Variants in RAD9A observed in about 807,000 individuals in gnomAD.
The protein encoded by RAD9A is RAD9 checkpoint clamp component A.
A neutral mutation model predicts 41.2 loss-of-function variants in RAD9A; 25 were observed. That is an observed-to-expected ratio of 0.61 (90% confidence interval 0.44 to 0.85). The LOEUF (loss-of-function observed/expected upper bound fraction) is 0.85, where lower values mean the gene tolerates loss of function less well. RAD9A is among the 40% of genes least tolerant of loss of function. The pLI is 0.00. For missense variants in RAD9A, 514 were observed against 518.3 expected (o/e 0.99, Z 0.08); for synonymous variants, 252 against 210.6 (o/e 1.20, Z -1.70).
rs1451766298 is a variant in RAD9A at position 67,391,991 on chromosome 11, C to G, written c.-54C>G. ...GGTGCGCGGGAAGGGACCCCGGACCCGGAGGTCGCGGAGAGCTGGGCAGTG... is the reference window on the plus strand; with the variant it reads ...GGTGCGCGGGAAGGGACCCCGGACCGGGAGGTCGCGGAGAGCTGGGCAGTG... On this transcript the variant is annotated 5_prime_UTR_variant, in exon 1 of 11. Transcript: ENST00000307980. 4 of 1,530,212 alleles carry G rather than the reference C, an allele frequency of 2.6e-6. No homozygotes were observed. The highest frequency in any genetic ancestry group is 1.2e-5 in the South Asian group (1 of 82,902). 94.8% of individuals were successfully genotyped at this position (1,530,212 alleles called of 1,614,324 possible).
chr11:67,392,646 T>C lies in RAD9A; in HGVS notation c.106-8T>C, dbSNP rs1033067113. 1 of 1,613,478 alleles carries C rather than the reference T, an allele frequency of 6.2e-7. No individual in the cohort carries two copies. Among genetic ancestry groups the C allele is most frequent in the Non-Finnish European group, 8.5e-7 (1 of 1,179,964 alleles). On this transcript the variant is annotated splice_polypyrimidine_tract_variant and splice_region_variant and intron_variant, in intron 2 of 10. Transcript: ENST00000307980. ...ACCACGTCCCTCTCCCTGCTCTTCG[T>C]GGCCCAGCTCTCCCTCCGGACGGTG... is the stretch of plus-strand genomic sequence containing the variant.
rs1390359833 is a variant in RAD9A at position 67,397,814 on chromosome 11, A to G, written c.*255A>G. 1.8e-5 allele frequency: 9 copies of G among 498,344 alleles called. No homozygotes were observed. The highest frequency in any genetic ancestry group is 3.9e-5 in the African/African-American group (2 of 50,778). The allele number at this position is 498,344 out of a possible 1,614,324, so 30.9% of individuals were successfully genotyped here. A position where few individuals can be genotyped will look rare whatever the true frequency, so the allele number is the denominator to read the frequency against. ...TTGGCCCTGAACTACTGACGTTCCT[A>G]CCTCTTATTTCTCATTGAGCCTCAG... On this transcript the variant is annotated 3_prime_UTR_variant, in exon 11 of 11. Coordinates refer to ENST00000307980, the MANE Select transcript of RAD9A (RefSeq NM_004584.3).
At position 67,392,248 on chromosome 11, in the gene RAD9A, T is replaced by TGGGGGTTGGGTTGGGGGGG; in HGVS notation, c.105+22_105+23insTTGGGTTGGGGGGGGGGGG. 1 of 321,862 alleles carries TGGGGGTTGGGTTGGGGGGG rather than the reference T, an allele frequency of 3.1e-6. No homozygotes were observed. The highest frequency in any genetic ancestry group is 6.2e-6 in the Non-Finnish European group (1 of 162,540). The allele number at this position is 321,862 out of a possible 1,614,324, so 19.9% of individuals were successfully genotyped here. The stretch of plus-strand genomic sequence containing the variant: ...GAGGACGGGGTGAGGGGCTAGGGTG[T>TGGGGGTTGGGTTGGGGGGG]GGGGGGCGGGTGGGACTCCAGCCGG... On this transcript the variant is annotated intron_variant, in intron 2 of 10. Coordinates refer to ENST00000307980, the MANE Select transcript of RAD9A (RefSeq NM_004584.3).
chr11:67,392,259 T>TTGGGGGGTTGGGGGGGGGGGGGGGGGG, intron 2 of RAD9A, 28 bp downstream of exon 2: 3 of 484,284 alleles, frequency 6.2e-6, no homozygotes, highest in East Asian at 5.2e-5. Flanking sequence ...GGGGGGCGGG[T>TTGGGGGGTTGGGGGGGGGGGGGGGGGG]GGGACTCCAG....
chr11:67,397,110 A>C, intron 9 of RAD9A, 69 bp from the exon 10 acceptor site: 1 of 1,253,432 alleles, frequency 8.0e-7, no homozygotes, highest in Non-Finnish European at 1.2e-6. Context: ...GCTCCCTTCG[A>C]GCCCTCCAAG....
Position 67,396,287 on chromosome 11 carries a change from C to T in RAD9A, c.759C>T (p.Asp253=), listed in dbSNP as rs781555882. 2 of 1,614,120 alleles carry T rather than the reference C, an allele frequency of 1.2e-6. No individual in the cohort carries two copies. Among genetic ancestry groups the T allele is most frequent in the African/African-American group, 2.7e-5 (2 of 75,020 alleles). The change falls in exon 9 of 11, where the codon GAC becomes GAT. Residue 253 remains aspartate (D), a synonymous_variant. Transcript: ENST00000307980. ...GGCCCGCCATCTTCACCATCAAGGA[C>T]TCTTTGCTGGACGGCCACTTTGTCT... ...PGRPAIFTIK[D]SLLDGHFVLA...
In RAD9A at chr11:67,397,831, G is replaced by A; in HGVS notation, c.*272G>A. The A allele has an allele frequency of 2.2e-6, 1 of 458,648 alleles. No individual in the cohort carries two copies. The highest frequency in any genetic ancestry group is 3.9e-6 in the Non-Finnish European group (1 of 256,106). The allele number at this position is 458,648 out of a possible 1,614,324, so 28.4% of individuals were successfully genotyped here. On this transcript the variant is annotated 3_prime_UTR_variant, in exon 11 of 11. Transcript: ENST00000307980. The stretch of plus-strand genomic sequence containing the variant: ...ACGTTCCTACCTCTTATTTCTCATT[G>A]AGCCTCAGGCTATACTCCAGCTGGC...
Position 67,397,305 on chromosome 11 carries a change from C to G in RAD9A, c.999C>G (p.Pro333=). The G allele has an allele frequency of 6.3e-7, 1 of 1,595,524 alleles. No individual in the cohort carries two copies. Among genetic ancestry groups the G allele is most frequent in the Non-Finnish European group, 8.6e-7 (1 of 1,168,470 alleles). ...PSISLSPGPQ[P]PKSPGPHSEE... is the part of the protein sequence containing the mutation. The stretch of plus-strand genomic sequence containing the variant: ...TTTCCCTTTCACCTGGCCCCCAGCC[C>G]CCCAAGAGCCCCGGTCCCCACTCCG... Residue 333 remains proline (P), a synonymous_variant, in exon 10 of 11, where the codon CCC becomes CCG. Coordinates refer to ENST00000307980, the MANE Select transcript of RAD9A (RefSeq NM_004584.3).
Position 67,393,768 on chromosome 11 carries a change from C to T in RAD9A, c.427C>T (p.His143Tyr). The stretch of plus-strand genomic sequence containing the variant: ...CGTCTTCGACCCAGCCTCGTGCCCC[C>T]ACATGCTCCGCGCCCCAGCACGGTG... ...QAVFDPASCP[H>Y]MLRAPARVLG... Residue 143 changes from histidine (H) to tyrosine (Y), a missense_variant, in exon 5 of 11, where the codon CAC becomes TAC. This residue lies in a region of RAD9A where 268 missense variants were observed against 279.3 expected (regional missense o/e 0.96). Coordinates refer to ENST00000307980, the MANE Select transcript of RAD9A (RefSeq NM_004584.3). 3 of 1,610,784 alleles carry T rather than the reference C, an allele frequency of 1.9e-6. No homozygotes were observed. Among genetic ancestry groups the T allele is most frequent in the Non-Finnish European group, 2.5e-6 (3 of 1,179,008 alleles).
Position 67,397,533 on chromosome 11 carries a change from GC to G in RAD9A, c.1151del (p.Ala384GlyfsTer13). On this transcript the variant is annotated frameshift_variant, in exon 11 of 11. Transcript: ENST00000307980. LOFTEE classifies it high-confidence loss of function. ...RSPQGPSPVLAEDSEGEG is the reference protein window; with the variant it reads ...RSPQGPSPVLXEDSEGEG ...CCCCCAGGGCCCCAGCCCTGTGCTGGCGGAAGACAGTGAGGGTGAAGGCTGA... is the reference window on the plus strand; with the variant it reads ...CCCCCAGGGCCCCAGCCCTGTGCTGGGGAAGACAGTGAGGGTGAAGGCTGA... 6.2e-7 allele frequency: 1 copy of G among 1,609,846 alleles called. No homozygotes were observed. The highest frequency in any genetic ancestry group is 8.5e-7 in the Non-Finnish European group (1 of 1,177,242).
chr11:67,393,807 CCTCAG>C lies in RAD9A; in HGVS notation c.449+24_449+28del. The stretch of plus-strand genomic sequence containing the variant: ...CCCAGCACGGTGAGCACACCCCTGC[CCTCAG>C]CTCAGCCCCGGGTCTCTCTCTTCCT... On this transcript the variant is annotated intron_variant, in intron 5 of 10. Transcript: ENST00000307980. 2.5e-6 allele frequency: 4 copies of C among 1,574,560 alleles called. No individual in the cohort carries two copies. Among genetic ancestry groups the C allele is most frequent in the South Asian group, 2.3e-5 (2 of 86,974 alleles).
intron 10 of RAD9A, 32 bp from the exon 11 acceptor site, chr11:67,397,432 C>T (rs1213331511): frequency 6.3e-7 from 1 of 1,592,384 alleles, no homozygotes. Context: ...GGGAAGGGAG[C>T]AGCCTCCAGA....
At chr11:67,396,497 C>A (rs1226852612) in intron 9 of RAD9A, 97 bp downstream of exon 9, 5 of 1,429,512 alleles carry the variant, frequency 3.5e-6, no homozygotes, top group Non-Finnish European at 4.8e-6. Flanking sequence ...GCAATGTGTT[C>A]TCTCCCGCCC....
At chr11:67,395,682 A>G in intron 5 of RAD9A, 34 bp from the exon 6 acceptor site, 1 of 1,514,692 alleles carries the variant, frequency 6.6e-7, no homozygotes, top group Non-Finnish European at 9.0e-7. Flanking sequence ...GGGCAGGGCC[A>G]GGCATTTCGG....
In RAD9A at chr11:67,393,760, C is replaced by T. The variant is rs144155838; in HGVS notation, c.419C>T (p.Ser140Leu). 7.9e-5 allele frequency: 128 copies of T among 1,611,810 alleles called. No homozygotes were observed. In the African/African-American group the frequency reaches 1.4e-3, roughly 18 times the overall value. ...ESLQAVFDPA[S>L]CPHMLRAPAR... The stretch of plus-strand genomic sequence containing the variant: ...CTGCAGGCCGTCTTCGACCCAGCCT[C>T]GTGCCCCCACATGCTCCGCGCCCCA... Residue 140 changes from serine (S) to leucine (L), a missense_variant, in exon 5 of 11, where the codon TCG becomes TTG. Transcript: ENST00000307980.
In RAD9A at chr11:67,396,412, TCCC is replaced by T. The variant is rs1565118121; in HGVS notation, c.872+16_872+18del. 10 of 1,612,228 alleles carry T rather than the reference TCCC, an allele frequency of 6.2e-6. No individual in the cohort carries two copies. Among genetic ancestry groups the T allele is most frequent in the Middle Eastern group, 1.6e-4 (1 of 6,070 alleles). On this transcript the variant is annotated intron_variant, in intron 9 of 10. Coordinates refer to ENST00000307980, the MANE Select transcript of RAD9A (RefSeq NM_004584.3). ...CTCCAGGCTCACAGGTGAGGGCACC[TCCC>T]CCCAACTCCTCCTCTCTCCATGTCT...
At chr11:67,396,044 G>T in intron 7 of RAD9A, 23 bp downstream of exon 7, 1 of 1,613,714 alleles carries the variant, frequency 6.2e-7, no homozygotes, top group African/African-American at 1.3e-5. Context: ...CCAGGCGCTC[G>T]CCGTCCTGTC....
At position 67,396,167 on chromosome 11, in the gene RAD9A, T is replaced by C. The variant is rs769241267; in HGVS notation, c.726T>C (p.Ala242=). 14 of 1,613,798 alleles carry C rather than the reference T, an allele frequency of 8.7e-6. No individual in the cohort carries two copies. The East Asian group carries it at 2.7e-4, about 31-fold the overall frequency. The change falls in exon 8 of 11, where the codon GCT becomes GCC. Residue 242 remains alanine, a synonymous_variant. Coordinates refer to ENST00000307980, the MANE Select transcript of RAD9A (RefSeq NM_004584.3). The part of the protein sequence containing the change: ...ANLNLSIHFD[A]PGRPAIFTIK... ...TGAATCTTAGCATTCATTTTGATGCTCCAGGCAGGTAGTTCCCAGCCTTGG... is the reference window on the plus strand; with the variant it reads ...TGAATCTTAGCATTCATTTTGATGCCCCAGGCAGGTAGTTCCCAGCCTTGG...
intron 9 of RAD9A, among the ~76,000 whole-genome samples, chr11:67,396,904 C>T (rs1306627772): frequency 6.6e-6 from 1 of 152,180 alleles, no homozygotes; most frequent in East Asian, 1.9e-4. Context: ...GTTCATAAGA[C>T]TTGCTGCTCC....
Sources: gnomAD v4.1 joint callset for allele counts (sites outside exome capture counted in the v4.1 genomes callset) on GRCh38, gnomAD v4.1.1 for gene constraint, gnomAD v4.1.1 regional missense constraint, MANE v1.5 for transcripts, NCBI Gene and HGNC (gene_info 2026-07-23, HGNC 2026-07-21) for gene names.